PDE6H: variants seen among roughly 807,000 people sequenced by gnomAD.
PDE6H encodes retinal cone rhodopsin-sensitive cGMP 3',5'-cyclic phosphodiesterase subunit gamma.
A neutral mutation model predicts 9.2 loss-of-function variants in PDE6H; 11 were observed. The ratio of observed to expected loss-of-function variants is 1.19; its 90% CI spans 0.75 to 1.97. The LOEUF is 1.97. PDE6H is among the 30% of genes most tolerant of loss of function. The pLI is 0.00. For missense variants in PDE6H, 98 were observed against 101.5 expected, an observed-to-expected ratio of 0.97 and a Z score of 0.15; for synonymous variants, 36 against 33.6, an observed-to-expected ratio of 1.07 and a Z score of -0.25.
At chr12:14,974,946 T>C (rs1431846765) in intron 1 of PDE6H, among the ~76,000 whole-genome samples, 1 of 152,258 alleles carries the variant, frequency 6.6e-6, no homozygotes, top group African/African-American at 2.4e-5. Flanking sequence ...ACTCTACTTA[T>C]ATTGTCTTCC....
rs755943160 is a variant in PDE6H at position 14,979,179 on chromosome 12, A to G, written c.135A>G (p.Gly45=). 3.1e-6 allele frequency: 5 copies of G among 1,605,514 alleles called. No individual in the cohort carries two copies. Among genetic ancestry groups the G allele is most frequent in the Non-Finnish European group, 4.3e-6 (5 of 1,172,298 alleles). ...ATTTCTCCTTTATTCTTTTCCATAG[A>G]TTTGGAGATGACATTCCAGGAATGG... ...KSKPPKKGVK[G]FGDDIPGMEG... is the part of the protein sequence containing the mutation. Residue 45 remains glycine (G), a splice_region_variant and synonymous_variant, in exon 3 of 4, where the codon GGA becomes GGG. Coordinates refer to ENST00000266395, the MANE Select transcript of PDE6H (RefSeq NM_006205.3).
At chr12:14,981,358 G>T in intron 3 of PDE6H, 42 bp from the exon 4 acceptor site, 1 of 1,206,966 alleles carries the variant, frequency 8.3e-7, no homozygotes. Context: ...AAGCTCTCTT[G>T]GGGTGAGGTT....
rs911557878 is a variant in PDE6H, at chr12:14,979,993, G to T, written c.175+774G>T. ...TGCAGTATGTTAATTAAACTCCATA[G>T]CTTGAATTAGAGTTTTTATCCCTTG... is the stretch of plus-strand genomic sequence containing the variant. On this transcript the variant is annotated intron_variant, in intron 3 of 3. Transcript: ENST00000266395. Among the ~76,000 whole-genome samples, 5 of 152,118 alleles carry T rather than the reference G, an allele frequency of 3.3e-5. No homozygotes were observed. In the South Asian group the frequency reaches 1.0e-3, roughly 32 times the overall value.
chr12:14,973,306 G>C (rs569316194), intron 1 of PDE6H, among the ~76,000 whole-genome samples: 5 of 152,300 alleles, frequency 3.3e-5, no homozygotes, highest in African/African-American at 1.2e-4. Context: ...ATTATTACAA[G>C]GTCACTGCAA....
At chr12:14,978,484 A>G (rs963503928) in intron 2 of PDE6H, among the ~76,000 whole-genome samples, 2 of 152,216 alleles carry the variant, frequency 1.3e-5, no homozygotes, top group Non-Finnish European at 2.9e-5. Flanking sequence ...CCATTTCCAG[A>G]AAATATAGCT....
At chr12:14,976,578 C>T (rs923771174) in intron 1 of PDE6H, among the ~76,000 whole-genome samples, 4 of 151,984 alleles carry the variant, frequency 2.6e-5, no homozygotes, top group African/African-American at 9.7e-5. Context: ...AAACCTAGCA[C>T]TTCGGGAGGC....
intron 1 of PDE6H, among the ~76,000 whole-genome samples, chr12:14,976,911 C>A (rs1295894299): frequency 1.3e-5 from 2 of 152,124 alleles, no homozygotes; most frequent in African/African-American, 2.4e-5. Flanking sequence ...AAGAAAATAA[C>A]GTCATCCAAA....
chr12:14,978,654 C>T (rs894883065), intron 2 of PDE6H, among the ~76,000 whole-genome samples: 4 of 152,160 alleles, frequency 2.6e-5, no homozygotes, highest in Non-Finnish European at 1.5e-5. Flanking sequence ...TTCATGTTTG[C>T]ATTTTGTACA....
intron 1 of PDE6H, among the ~76,000 whole-genome samples, chr12:14,974,649 G>A (rs1304533486): frequency 6.6e-6 from 1 of 152,236 alleles, no homozygotes; most frequent in Admixed American, 6.5e-5. Flanking sequence ...ATTCTTCGGG[G>A]TTGCTGTTGG....
At chr12:14,978,652 T>C (rs1178044535) in intron 2 of PDE6H, among the ~76,000 whole-genome samples, 2 of 152,240 alleles carry the variant, frequency 1.3e-5, no homozygotes, top group African/African-American at 4.8e-5. Context: ...CTTTCATGTT[T>C]GCATTTTGTA....
chr12:14,980,128 C>T (rs574697751), intron 3 of PDE6H, among the ~76,000 whole-genome samples: 6 of 152,282 alleles, frequency 3.9e-5, no homozygotes, highest in Admixed American at 2.0e-4. Flanking sequence ...ATGCTCCACC[C>T]GGTCATCCTT....
At position 14,981,663 on chromosome 12, in the gene PDE6H, A is replaced by G. The variant is rs1592307512; in HGVS notation, c.*187A>G. On this transcript the variant is annotated 3_prime_UTR_variant, in exon 4 of 4. Coordinates refer to ENST00000266395, the MANE Select transcript of PDE6H (RefSeq NM_006205.3). ...GAATCTCTCTTGCAGTACAGCTCAA[A>G]ATAGTGGATGCATTTCAAACTTGAC... 1.1e-5 allele frequency: 7 copies of G among 636,978 alleles called. No homozygotes were observed. The East Asian group carries it at 1.6e-4, about 15-fold the overall frequency. 39.5% of individuals were successfully genotyped at this position (636,978 alleles called of 1,614,324 possible).
intron 3 of PDE6H, among the ~76,000 whole-genome samples, chr12:14,980,796 G>GT (rs1165565026): frequency 2.6e-5 from 4 of 152,186 alleles, no homozygotes; most frequent in Non-Finnish European, 4.4e-5. Context: ...CAACTATGTG[G>GT]TTTTTGCTAA....
At chr12:14,975,356 G>C (rs1359169234) in intron 1 of PDE6H, among the ~76,000 whole-genome samples, 2 of 124,896 alleles carry the variant, frequency 1.6e-5, no homozygotes, top group African/African-American at 6.6e-5. Flanking sequence ...AAATTGAACT[G>C]GGTGTCTTGT....
chr12:14,975,598 C>T (rs1864580276), intron 1 of PDE6H, among the ~76,000 whole-genome samples: 1 of 151,976 alleles, frequency 6.6e-6, no homozygotes, highest in Admixed American at 6.6e-5. Context: ...CCAGCTATTC[C>T]CAGGGTCCCA....
intron 3 of PDE6H, among the ~76,000 whole-genome samples, 185 bp downstream of exon 3, chr12:14,979,404 C>T (rs566142796): frequency 6.6e-6 from 1 of 152,268 alleles, no homozygotes; most frequent in Admixed American, 6.5e-5. Context: ...GATACAAAAG[C>T]CCTAAAAGAA....
At chr12:14,974,614 T>C (rs1272984416) in intron 1 of PDE6H, among the ~76,000 whole-genome samples, 1 of 152,196 alleles carries the variant, frequency 6.6e-6, no homozygotes, top group African/African-American at 2.4e-5. Context: ...CATTGGGGAA[T>C]ATGGATGTCA....
intron 3 of PDE6H, 25 bp from the exon 4 acceptor site, chr12:14,981,375 C>T (rs570068214): frequency 3.4e-5 from 51 of 1,517,980 alleles, no homozygotes; most frequent in Middle Eastern, 3.4e-4. Flanking sequence ...GGTTGGCTTA[C>T]GTGCTCTTCT....
At chr12:14,980,868 T>G (rs1335938367) in intron 3 of PDE6H, among the ~76,000 whole-genome samples, 1 of 152,240 alleles carries the variant, frequency 6.6e-6, no homozygotes, top group Non-Finnish European at 1.5e-5. Context: ...AACATCTTAT[T>G]GTCTAAAACA....
Sources: allele counts gnomAD v4.1 joint callset (sites outside exome capture counted in the v4.1 genomes callset), GRCh38; gene constraint gnomAD v4.1.1; transcripts MANE v1.5; gene names NCBI Gene and HGNC (gene_info 2026-07-23, HGNC 2026-07-21).